Variants in CLCNKA observed in about 807,000 individuals in gnomAD.
The protein encoded by CLCNKA is chloride channel protein ClC-Ka.
A neutral mutation model predicts 83.3 loss-of-function variants in CLCNKA; 66 were observed. That is an observed-to-expected ratio of 0.79 (90% CI 0.65 to 0.97). CLCNKA has a LOEUF of 0.97. Ranked by LOEUF, CLCNKA falls within the 50% of genes least tolerant of loss-of-function variation. CLCNKA has a pLI of 0.00. For missense variants in CLCNKA, 806 were observed against 888.7 expected, an observed-to-expected ratio of 0.91 and a Z score of 1.18; for synonymous variants, 357 against 370.4, an observed-to-expected ratio of 0.96 and a Z score of 0.42.
rs111855124 is a variant in CLCNKA at position 16,031,718 on chromosome 1, A to G, written c.1631A>G (p.His544Arg). 22 of 1,613,600 alleles carry G rather than the reference A, an allele frequency of 1.4e-5. No homozygotes were observed. Among genetic ancestry groups the G allele is most frequent in the Middle Eastern group, 3.3e-4 (2 of 6,084 alleles). The change falls in exon 16 of 20, where the codon CAT (histidine) becomes CGT (arginine). Residue 544 changes from histidine (H) to arginine (R), a missense_variant. Physicochemically the swap from His to Arg is conservative, Grantham distance 29 (BLOSUM62 0). Transcript: ENST00000331433. ...RILGRNIGSH[H>R]VRVEHFMNHS... ...AGCCCCTCTGCCTGCAGCTCCCACC[A>G]TGTGAGGGTGGAGCACTTCATGAAC...
At chr1:16,026,829 A>G (rs2022375044) in intron 7 of CLCNKA, 54 bp downstream of exon 7, 1 of 1,599,322 alleles carries the variant, frequency 6.3e-7, no homozygotes, top group East Asian at 2.2e-5. Flanking sequence ...CTCCCCTCAC[A>G]CCCTGGGCTC....
chr1:16,033,178 CCT>C lies in CLCNKA; in HGVS notation c.1941_1942del (p.Phe648Ter), dbSNP rs1454552459. ...SETTLHQAQN[L>X]FKLLNLQSLF... ...AACAATCCCCCATCCAGGCACAAAA[CCT>C]CTTTAAGCTGTTGAACCTTCAGTCC... On this transcript the variant is annotated frameshift_variant, in exon 19 of 20. Coordinates refer to ENST00000331433, the MANE Select transcript of CLCNKA (RefSeq NM_004070.4). LOFTEE classifies it high-confidence loss of function. 7 of 1,614,176 alleles carry C rather than the reference CCT, an allele frequency of 4.3e-6. No individual in the cohort carries two copies. Among genetic ancestry groups the C allele is most frequent in the Non-Finnish European group, 5.9e-6 (7 of 1,180,014 alleles).
chr1:16,031,831 G>A lies in CLCNKA; in HGVS notation c.1744G>A (p.Val582Met), dbSNP rs1209940522. The A allele has an allele frequency of 5.0e-6, 8 of 1,613,746 alleles. No individual in the cohort carries two copies. The highest frequency in any genetic ancestry group is 1.1e-5 in the South Asian group (1 of 91,088). Reference sequence around the variant, plus strand: ...CACAGACGTGACCGAGTATCCCCTGGTGGAGAGCACAGGTGCCCAGCTGGA... The same window carrying A: ...CACAGACGTGACCGAGTATCCCCTGATGGAGAGCACAGGTGCCCAGCTGGA... ...TSTDVTEYPL[V>M]ESTESQILVG... is the part of the protein sequence containing the mutation. Residue 582 changes from valine to methionine, a missense_variant, in exon 16 of 20, where the codon GTG becomes ATG. Physicochemically the swap from Val to Met is conservative, Grantham distance 21. Transcript: ENST00000331433.
chr1:16,033,480 T>C (rs1570315405), intron 19 of CLCNKA, 131 bp from the exon 20 acceptor site: 2 of 946,660 alleles, frequency 2.1e-6, no homozygotes, highest in East Asian at 5.1e-5. Flanking sequence ...AGTGATCCCA[T>C]CTGTGCAATG....
At chr1:16,031,088 A>T (rs1431509244) in intron 15 of CLCNKA, among the ~76,000 whole-genome samples, 1 of 152,130 alleles carries the variant, frequency 6.6e-6, no homozygotes, top group African/African-American at 2.4e-5. Flanking sequence ...CGAGAATGGA[A>T]ATGGGCTTTG....
intron 10 of CLCNKA, chr1:16,028,528 T>A: frequency 1.5e-6 from 1 of 673,958 alleles, no homozygotes; most frequent in Non-Finnish European, 2.7e-6. Flanking sequence ...CCTCTCAATC[T>A]CCTGCGTGAT....
chr1:16,022,515 C>T, intron 1 of CLCNKA, 98 bp from the exon 2 acceptor site: 2 of 814,072 alleles, frequency 2.5e-6, no homozygotes, highest in Middle Eastern at 3.5e-4. Context: ...CACAATCCTT[C>T]CTCTTCATTT....
At chr1:16,023,086 T>C (rs1242769541) in intron 2 of CLCNKA, among the ~76,000 whole-genome samples, 1 of 152,190 alleles carries the variant, frequency 6.6e-6, no homozygotes, top group African/African-American at 2.4e-5. Context: ...CACCCTTCCT[T>C]GGAGCCCCAT....
At position 16,028,658 on chromosome 1, in the gene CLCNKA, C is replaced by T. The variant is rs574232042; in HGVS notation, c.969-103C>T. The T allele has an allele frequency of 2.0e-3, 2,826 of 1,414,470 alleles. 13 individuals carry two copies. The highest frequency in any genetic ancestry group is 8.6e-3 in the Middle Eastern group (49 of 5,724). 87.6% of individuals were successfully genotyped at this position (1,414,470 alleles called of 1,614,324 possible). ...ACCAGTCCTTGCCTCGGTATCAGCC[C>T]CCAGGTGGGGAGCTCTGCTGCTGCC... On this transcript the variant is annotated intron_variant, in intron 10 of 19. Coordinates refer to ENST00000331433, the MANE Select transcript of CLCNKA (RefSeq NM_004070.4).
chr1:16,027,016 C>A, intron 7 of CLCNKA: 1 of 650,024 alleles, frequency 1.5e-6, no homozygotes, highest in South Asian at 1.9e-5. Context: ...GGTTTGAAAT[C>A]CACTGGCCCC....
intron 16 of CLCNKA, 142 bp downstream of exon 16, chr1:16,031,985 T>A: frequency 6.9e-7 from 1 of 1,446,606 alleles, no homozygotes; most frequent in South Asian, 1.2e-5. Context: ...TCACTTCACC[T>A]GAGCCTCAGT....
Position 16,025,076 on chromosome 1 carries a change from C to T in CLCNKA, c.358+185C>T, listed in dbSNP as rs1409090237. On this transcript the variant is annotated intron_variant, in intron 4 of 19. Transcript: ENST00000331433. ...CTCTTGGGTCACTGCTGGCCCTACT[C>T]GCTTTCCAAGGGCTCCTTGGAAGGA... is the stretch of plus-strand genomic sequence containing the variant. Among the ~76,000 whole-genome samples, 8 of 152,252 alleles carry T rather than the reference C, an allele frequency of 5.3e-5. 1 individual carries two copies. Among genetic ancestry groups the T allele is most frequent in the Admixed American group, 3.9e-4 (6 of 15,290 alleles).
In CLCNKA at chr1:16,023,708, C is replaced by T. The variant is rs2022230008; in HGVS notation, c.101-92C>T. The T allele has an allele frequency of 9.3e-6, 14 of 1,506,862 alleles. No homozygotes were observed. The Admixed American group carries it at 1.1e-4, about 11-fold the overall frequency. The allele number at this position is 1,506,862 out of a possible 1,614,324, so 93.3% of individuals were successfully genotyped here. On this transcript the variant is annotated intron_variant, in intron 2 of 19. Transcript: ENST00000331433. ...CTACCCCAGACTCAACTACCAGGGT[C>T]CTCCCTGCCTGGAGCCAAGCAGACC... is the stretch of plus-strand genomic sequence containing the variant.
intron 5 of CLCNKA, 78 bp from the exon 6 acceptor site, chr1:16,026,458 G>T (rs750503425): frequency 3.2e-6 from 5 of 1,581,376 alleles, no homozygotes; most frequent in East Asian, 2.2e-5. Flanking sequence ...GGAGGAGGGG[G>T]TGTGGTGGGG....
rs1351838919 is a variant in CLCNKA at position 16,032,268 on chromosome 1, C to A, written c.1822C>A (p.Pro608Thr). 6.2e-7 allele frequency: 1 copy of A among 1,612,340 alleles called. No homozygotes were observed. The highest frequency in any genetic ancestry group is 1.1e-5 in the South Asian group (1 of 91,050). The part of the protein sequence containing the change: ...QLVQALQAEP[P>T]SRAPGHQQCL... ...GGTGCAGGCCCTCCAGGCTGAGCCTCCTTCCAGGGCTCCAGGACACCAGGT... is the reference window on the plus strand; with the variant it reads ...GGTGCAGGCCCTCCAGGCTGAGCCTACTTCCAGGGCTCCAGGACACCAGGT... Residue 608 changes from proline to threonine, a missense_variant, in exon 17 of 20, where the codon CCT becomes ACT. Coordinates refer to ENST00000331433, the MANE Select transcript of CLCNKA (RefSeq NM_004070.4).
At chr1:16,027,120 G>A (rs2022392094) in intron 7 of CLCNKA, among the ~76,000 whole-genome samples, 190 bp from the exon 8 acceptor site, 2 of 152,218 alleles carry the variant, frequency 1.3e-5, no homozygotes, top group Admixed American at 1.3e-4. Flanking sequence ...ATTCCAGGCT[G>A]GATGGATCCC....
chr1:16,026,384 G>T (rs938141753), intron 5 of CLCNKA, 137 bp downstream of exon 5: 51 of 1,465,346 alleles, frequency 3.5e-5, no homozygotes, highest in Non-Finnish European at 3.9e-5. Flanking sequence ...CTTAGGGGAA[G>T]AGCCAGGCCA....
chr1:16,023,344 A>G (rs1438518237), intron 2 of CLCNKA, among the ~76,000 whole-genome samples: 1 of 152,224 alleles, frequency 6.6e-6, no homozygotes, highest in Non-Finnish European at 1.5e-5. Context: ...TGGATCCTGC[A>G]GGGATACAGG....
In CLCNKA at chr1:16,033,628, C is replaced by T. The variant is rs1285485848; in HGVS notation, c.2034C>T (p.Ser678=). ...TGTTCTAGATGAAGAAAGCAATTTCCAACCTGACAAATCCGCCAGCTCCAA... is the reference window on the plus strand; with the variant it reads ...TGTTCTAGATGAAGAAAGCAATTTCTAACCTGACAAATCCGCCAGCTCCAA... The part of the protein sequence containing the change: ...VSWVEMKKAI[S]NLTNPPAPK The change falls in exon 20 of 20, where the codon TCC becomes TCT. Residue 678 remains serine (S), a synonymous_variant. Coordinates refer to ENST00000331433, the MANE Select transcript of CLCNKA (RefSeq NM_004070.4). The T allele has an allele frequency of 2.7e-6, 4 of 1,461,780 alleles. No homozygotes were observed. In the South Asian group the frequency reaches 3.4e-5, roughly 12 times the overall value. The allele number at this position is 1,461,780 out of a possible 1,614,324, so 90.6% of individuals were successfully genotyped here. A position where few individuals can be genotyped will look rare whatever the true frequency, so the allele number is the denominator to read the frequency against.
Sources: gnomAD v4.1 joint callset for allele counts (sites outside exome capture counted in the v4.1 genomes callset) on GRCh38, gnomAD v4.1.1 for gene constraint, MANE v1.5 for transcripts, NCBI Gene and HGNC (gene_info 2026-07-23, HGNC 2026-07-21) for gene names.